Variants in PREX1 observed in about 807,000 individuals in gnomAD.
PREX1 encodes the protein phosphatidylinositol-3,4,5-trisphosphate dependent Rac exchange factor 1, also known as phosphatidylinositol 3,4,5-trisphosphate-dependent Rac exchanger 1 protein.
Under a neutral mutation model 198.3 loss-of-function variants are expected in PREX1, and 41 were observed. The ratio of observed to expected loss-of-function variants is 0.21; its 90% CI spans 0.16 to 0.27. PREX1 has a LOEUF of 0.27. PREX1 is among the 10% of genes least tolerant of loss of function. The probability of loss-of-function intolerance (pLI) is 1.00; values close to 1 mark genes in which losing one functional copy is unlikely to be tolerated. For synonymous variants in PREX1, 843 were observed against 887.2 expected, an observed-to-expected ratio of 0.95 and a Z score of 0.89; for missense variants, 1,620 against 2,200.7, an observed-to-expected ratio of 0.74 and a Z score of 5.28.
chr20:48,764,773 C>A (rs2090200287), intron 1 of PREX1, among the ~76,000 whole-genome samples: 1 of 134,496 alleles, frequency 7.4e-6, no homozygotes, highest in Non-Finnish European at 1.6e-5. Flanking sequence ...CAGAGCAAGA[C>A]TCTTTCTCAA....
At position 48,747,801 on chromosome 20, in the gene PREX1, G is replaced by T; in HGVS notation, c.291+8C>A. The T allele has an allele frequency of 6.2e-7, 1 of 1,610,852 alleles. No homozygotes were observed. Among genetic ancestry groups the T allele is most frequent in the Non-Finnish European group, 8.5e-7 (1 of 1,177,766 alleles). On this transcript the variant is annotated splice_region_variant and intron_variant, in intron 2 of 39. Coordinates refer to ENST00000371941, the MANE Select transcript of PREX1 (RefSeq NM_020820.4). The stretch of plus-strand genomic sequence containing the variant: ...CTCTAGAACAGGGGCCAGCCCCAGC[G>T]TCCACACCTTGACATTCTCCTCCGT...
intron 6 of PREX1, among the ~76,000 whole-genome samples, chr20:48,707,234 G>T (rs1050971959): frequency 6.6e-6 from 1 of 152,150 alleles, no homozygotes; most frequent in Non-Finnish European, 1.5e-5. Context: ...TCAAGCAGCT[G>T]GATCTGATCT....
At chr20:48,805,400 G>A (rs2123024942) in intron 1 of PREX1, among the ~76,000 whole-genome samples, 1 of 152,382 alleles carries the variant, frequency 6.6e-6, no homozygotes, top group South Asian at 2.1e-4. Flanking sequence ...CCAGGCTGCA[G>A]ACACCACGTG....
At chr20:48,801,332 G>A (rs1201722160) in intron 1 of PREX1, among the ~76,000 whole-genome samples, 1 of 152,162 alleles carries the variant, frequency 6.6e-6, no homozygotes, top group African/African-American at 2.4e-5. Context: ...TGAGAAGCTG[G>A]CCAGTCGGGC....
chr20:48,638,975 C>T lies in PREX1; in HGVS notation c.3904+791G>A, dbSNP rs148470631. Among the ~76,000 whole-genome samples, 546 of 152,350 alleles carry T rather than the reference C, an allele frequency of 3.6e-3. 2 individuals are homozygous for T. Among genetic ancestry groups the T allele is most frequent in the Non-Finnish European group, 5.5e-3 (376 of 68,028 alleles). ...GACAGATCAGAAGCAGCAGAGACTCCGACTCAGAGGCTGCCATTCCCCGAG... is the reference window on the plus strand; with the variant it reads ...GACAGATCAGAAGCAGCAGAGACTCTGACTCAGAGGCTGCCATTCCCCGAG... On this transcript the variant is annotated intron_variant, in intron 30 of 39. Coordinates refer to ENST00000371941, the MANE Select transcript of PREX1 (RefSeq NM_020820.4).
At chr20:48,765,952 G>T (rs915876338) in intron 1 of PREX1, among the ~76,000 whole-genome samples, 2 of 152,138 alleles carry the variant, frequency 1.3e-5, no homozygotes, top group African/African-American at 4.8e-5. Flanking sequence ...AGCAGCATCA[G>T]ATTCTCATAG....
rs1167834584 is a variant in PREX1, at chr20:48,652,617, C to T, written c.2436G>A (p.Glu812=). The T allele has an allele frequency of 1.2e-6, 2 of 1,613,102 alleles. No individual in the cohort carries two copies. The highest frequency in any genetic ancestry group is 4.5e-5 in the East Asian group (2 of 44,830). ...QEASTEDPSG[E]QAQEEDQADS... ...CAGCCTGGTCTTCCTCCTGGGCCTGCTCGCCACTGGGGTCCTCAGTGGAGG... is the reference window on the plus strand; with the variant it reads ...CAGCCTGGTCTTCCTCCTGGGCCTGTTCGCCACTGGGGTCCTCAGTGGAGG... Residue 812 remains glutamate (E), a synonymous_variant, in exon 21 of 40, where the codon GAG becomes GAA. Transcript: ENST00000371941.
intron 7 of PREX1, among the ~76,000 whole-genome samples, chr20:48,698,266 G>A (rs571911356): frequency 5.9e-5 from 9 of 152,328 alleles, no homozygotes; most frequent in Non-Finnish European, 1.3e-4. Flanking sequence ...TCCCTGCACA[G>A]GTGAGACGGC....
upstream of PREX1, among the ~76,000 whole-genome samples, chr20:48,829,462 C>T (rs2090530433): frequency 6.6e-6 from 1 of 152,176 alleles, no homozygotes; most frequent in African/African-American, 2.4e-5. Context: ...AATGGGGTGG[C>T]TTCTGCCCTC....
rs757491318 is a variant in PREX1, at chr20:48,726,270, C to A, written c.621+20G>T. On this transcript the variant is annotated intron_variant, in intron 5 of 39. Coordinates refer to ENST00000371941, the MANE Select transcript of PREX1 (RefSeq NM_020820.4). Reference sequence around the variant, plus strand: ...GAAGCCAAAGAGTTTTCTGTCACTTCAAATACGGGAAAGTCTCACCTTAAG... The same window carrying A: ...GAAGCCAAAGAGTTTTCTGTCACTTAAAATACGGGAAAGTCTCACCTTAAG... 14 of 1,597,452 alleles carry A rather than the reference C, an allele frequency of 8.8e-6. No individual in the cohort carries two copies. The Admixed American group carries it at 2.4e-4, about 27-fold the overall frequency.
At chr20:48,872,423 A>T in the PREX1 span, among the ~76,000 whole-genome samples, 2 of 152,070 alleles carry the variant, frequency 1.3e-5, no homozygotes, top group Non-Finnish European at 2.9e-5. Flanking sequence ...GACAGGCTTG[A>T]GATCAACTAA....
intron 15 of PREX1, among the ~76,000 whole-genome samples, chr20:48,661,419 C>CA (rs1168247790): frequency 0.016 from 190 of 12,026 alleles, 42 homozygotes; most frequent in Admixed American, 0.024. Flanking sequence ...AACTCCATCT[C>CA]AAAAAAAAAA....
At chr20:48,761,521 C>T (rs140892280) in intron 1 of PREX1, among the ~76,000 whole-genome samples, 1 of 152,152 alleles carries the variant, frequency 6.6e-6, no homozygotes, top group African/African-American at 2.4e-5. Context: ...CAGTTCTCAC[C>T]CCACCCCGCC....
chr20:48,750,768 A>T (rs910635732), intron 1 of PREX1, among the ~76,000 whole-genome samples: 1 of 152,164 alleles, frequency 6.6e-6, no homozygotes, highest in African/African-American at 2.4e-5. Flanking sequence ...CAATCTATAC[A>T]AGCTCCTAAG....
At chr20:48,672,039 C>G (rs947679333) in intron 14 of PREX1, among the ~76,000 whole-genome samples, 2 of 152,236 alleles carry the variant, frequency 1.3e-5, no homozygotes, top group Non-Finnish European at 2.9e-5. Flanking sequence ...GGGCCTCTGG[C>G]CGAGCCCACA....
chr20:48,648,087 T>A (rs73142108), intron 25 of PREX1, among the ~76,000 whole-genome samples: 23,889 of 151,962 alleles, frequency 0.16, 2,209 homozygotes, highest in Middle Eastern at 0.29. Context: ...ATTTTTTTTT[T>A]ATAGAGATAG....
At chr20:48,635,169 T>G (rs6125411) in intron 32 of PREX1, among the ~76,000 whole-genome samples, 41,101 of 151,972 alleles carry the variant, frequency 0.27, 5,742 homozygotes, top group South Asian at 0.4. Flanking sequence ...TCATCCAAGA[T>G]CCAAACCTTT....
At chr20:48,641,728 G>C (rs753396727) in intron 29 of PREX1, among the ~76,000 whole-genome samples, 3 of 151,782 alleles carry the variant, frequency 2.0e-5, no homozygotes, top group Non-Finnish European at 2.9e-5. Flanking sequence ...GGAGGTCAAG[G>C]CTGCAGTGAG....
chr20:48,827,493 G>T lies in PREX1; in HGVS notation c.219+149C>A. 3.9e-6 allele frequency: 2 copies of T among 513,902 alleles called. No individual in the cohort carries two copies. The highest frequency in any genetic ancestry group is 2.0e-5 in the African/African-American group (1 of 49,434). 31.8% of individuals were successfully genotyped at this position (513,902 alleles called of 1,614,324 possible). On this transcript the variant is annotated intron_variant, in intron 1 of 39. Coordinates refer to ENST00000371941, the MANE Select transcript of PREX1 (RefSeq NM_020820.4). This position sits in a 1 kb window ranked among gnomAD's most constrained non-coding sequence, Gnocchi z 4.1. ...GAGGCGACGCGACAGCTCTGGAGGA[G>T]CTCGGATCCCCCCCGCTTTCCGCGC... is the stretch of plus-strand genomic sequence containing the variant.
Sources: gnomAD v4.1 joint callset for allele counts (sites outside exome capture counted in the v4.1 genomes callset) on GRCh38, gnomAD v4.1.1 for gene constraint, Gnocchi (gnomAD v3.1) non-coding constraint, MANE v1.5 for transcripts, NCBI Gene and HGNC (gene_info 2026-07-23, HGNC 2026-07-21) for gene names.